SAMD8: variants seen among roughly 807,000 people sequenced by gnomAD.
SAMD8 encodes the protein sphingomyelin synthase-related protein 1.
Under a neutral mutation model 42.0 loss-of-function variants are expected in SAMD8, and 20 were observed. That is an observed-to-expected ratio of 0.48 (90% CI 0.34 to 0.69). SAMD8 has a LOEUF of 0.69. Ranked by LOEUF, SAMD8 falls within the 30% of genes least tolerant of loss-of-function variation. The probability of loss-of-function intolerance (pLI) is 0.01; values close to 1 mark genes in which losing one functional copy is unlikely to be tolerated. For missense variants in SAMD8, 328 were observed against 511.6 expected (o/e 0.64, Z 3.46); for synonymous variants, 162 against 173.0 (o/e 0.94, Z 0.50).
chr10:75,112,136 C>T (rs993540603), intron 1 of SAMD8, among the ~76,000 whole-genome samples: 1 of 152,126 alleles, frequency 6.6e-6, no homozygotes, highest in Non-Finnish European at 1.5e-5. Flanking sequence ...TGTTCCCTTC[C>T]CAGGGCGAGG....
chr10:75,168,844 T>C (rs1307103529), intron 4 of SAMD8, among the ~76,000 whole-genome samples, 186 bp downstream of exon 4: 1 of 152,236 alleles, frequency 6.6e-6, no homozygotes, highest in Non-Finnish European at 1.5e-5. Context: ...CTTATTTCTG[T>C]TGAAACTCGT....
At position 75,141,353 on chromosome 10, in the gene SAMD8, C is replaced by CA. The variant is rs1183521701; in HGVS notation, c.-15-9146dup. Among the ~76,000 whole-genome samples the CA allele has an allele frequency of 6.9e-3, 608 of 88,024 alleles. 17 individuals are homozygous for CA. The highest frequency in any genetic ancestry group is 0.016 in the East Asian group (48 of 2,970). The allele number at this position is 88,024 out of a possible 152,430, so 57.7% of individuals were successfully genotyped here. ...TGGGTGACAGAGTGACACCCTGTCT[C>CA]AAAAAAAAAAAAAAAGAAAGGAAGA... On this transcript the variant is annotated intron_variant, in intron 1 of 5. Transcript: ENST00000542569.
chr10:75,105,416 G>A (rs951915916), intron 1 of SAMD8, among the ~76,000 whole-genome samples: 3 of 152,176 alleles, frequency 2.0e-5, no homozygotes, highest in African/African-American at 7.2e-5. Context: ...TCCAGGTGGG[G>A]TGGGGGATAT....
upstream of SAMD8, chr10:75,107,975 T>G: frequency 6.2e-7 from 1 of 1,602,654 alleles, no homozygotes; most frequent in East Asian, 2.3e-5. Flanking sequence ...GATATGGGCT[T>G]GGACCCCAAG....
chr10:75,161,894 A>T (rs959133672), intron 2 of SAMD8, among the ~76,000 whole-genome samples: 5 of 151,932 alleles, frequency 3.3e-5, no homozygotes, highest in African/African-American at 1.2e-4. Context: ...AAAATTAGCC[A>T]GGCGTGGTGG....
At chr10:75,152,768 A>G (rs568765600) in intron 2 of SAMD8, among the ~76,000 whole-genome samples, 55 of 152,212 alleles carry the variant, frequency 3.6e-4, no homozygotes, top group African/African-American at 1.3e-3. Context: ...CAGGAGGCCA[A>G]GGTGGGAGGA....
At chr10:75,107,167 C>T (rs748689975), upstream of SAMD8, among the ~76,000 whole-genome samples, 1 of 152,120 alleles carries the variant, frequency 6.6e-6, no homozygotes, top group East Asian at 1.9e-4. Context: ...GAAACCCTGT[C>T]TCTGCTAAAA....
chr10:75,135,453 C>CAA (rs151099768), intron 1 of SAMD8, among the ~76,000 whole-genome samples: 31 of 117,388 alleles, frequency 2.6e-4, no homozygotes, highest in African/African-American at 8.0e-4. Context: ...AATTCCATCT[C>CAA]AAAAAAAAAA....
chr10:75,167,605 A>T (rs1247650740), intron 3 of SAMD8, among the ~76,000 whole-genome samples: 4 of 151,792 alleles, frequency 2.6e-5, no homozygotes, highest in Non-Finnish European at 5.9e-5. Flanking sequence ...TTTTATTTTT[A>T]TTTTTTGAGA....
chr10:75,113,031 A>G (rs1354336513), intron 1 of SAMD8, among the ~76,000 whole-genome samples: 3 of 152,186 alleles, frequency 2.0e-5, no homozygotes, highest in Admixed American at 6.5e-5. Context: ...ATATTGAAAT[A>G]CTATTTTGCA....
chr10:75,134,656 TAGATG>T (rs1005067357), intron 1 of SAMD8, among the ~76,000 whole-genome samples: 7 of 152,052 alleles, frequency 4.6e-5, no homozygotes, highest in Middle Eastern at 3.4e-3. Flanking sequence ...AGATTACAGT[TAGATG>T]AGAAGCGTAA....
intron 1 of SAMD8, among the ~76,000 whole-genome samples, chr10:75,127,596 T>C (rs1023470414): frequency 2.6e-5 from 4 of 152,240 alleles, no homozygotes; most frequent in Non-Finnish European, 5.9e-5. Context: ...GAAAATGCAC[T>C]GAACACGGTT....
chr10:75,112,108 G>A (rs140963756), intron 1 of SAMD8, among the ~76,000 whole-genome samples: 21 of 152,306 alleles, frequency 1.4e-4, no homozygotes, highest in African/African-American at 4.8e-4. Flanking sequence ...GGAGTCAGAG[G>A]AGCAAGACCT....
At chr10:75,167,063 A>G (rs1840700616) in intron 3 of SAMD8, among the ~76,000 whole-genome samples, 1 of 152,206 alleles carries the variant, frequency 6.6e-6, no homozygotes, top group East Asian at 1.9e-4. Flanking sequence ...GTCCTCAGGA[A>G]TATTAGTCCA....
intron 1 of SAMD8, among the ~76,000 whole-genome samples, chr10:75,115,936 G>C (rs371133657): frequency 8.0e-6 from 1 of 124,298 alleles, no homozygotes; most frequent in Non-Finnish European, 1.6e-5. Context: ...GCGAGACTCC[G>C]TCTCAAAAAA....
rs1848442465 is a variant in SAMD8, at chr10:75,105,596, C to T, written c.-16+5868C>T. ...CTGGAAGAATCCAATCCTATGTCTG[C>T]AGCCTAGGCCCTCACCTGGCCTCTT... On this transcript the variant is annotated intron_variant, in intron 1 of 3. Transcript: ENST00000447533. 8 of 1,418,008 alleles carry T rather than the reference C, an allele frequency of 5.6e-6. No homozygotes were observed. In the South Asian group the frequency reaches 7.6e-5, roughly 13 times the overall value. 87.8% of individuals were successfully genotyped at this position (1,418,008 alleles called of 1,614,324 possible). A position where few individuals can be genotyped will look rare whatever the true frequency, so the allele number is the denominator to read the frequency against.
intron 1 of SAMD8, chr10:75,125,461 CA>C (rs1374246377): frequency 6.6e-6 from 1 of 151,976 alleles, no homozygotes; most frequent in Admixed American, 6.6e-5. Context: ...AAAAAAAGTA[CA>C]AAAATTAGCC....
intron 1 of SAMD8, among the ~76,000 whole-genome samples, chr10:75,119,989 A>T (rs75933036): frequency 0.013 from 1,975 of 152,236 alleles, 23 homozygotes; most frequent in Non-Finnish European, 0.019. Flanking sequence ...AATCGGTTTA[A>T]CCTGGGAGGT....
chr10:75,104,957 C>T (rs1848404330), intron 1 of SAMD8, among the ~76,000 whole-genome samples: 1 of 152,092 alleles, frequency 6.6e-6, no homozygotes, highest in African/African-American at 2.4e-5. Flanking sequence ...TACTGCTGTT[C>T]CAGCTCCCAA....
Sources: gnomAD v4.1 joint callset for allele counts (sites outside exome capture counted in the v4.1 genomes callset) on GRCh38, gnomAD v4.1.1 for gene constraint, MANE v1.5 for transcripts, NCBI Gene and HGNC (gene_info 2026-07-23, HGNC 2026-07-21) for gene names.